ABCB1: variants seen among roughly 807,000 people sequenced by gnomAD.
ABCB1 encodes ATP binding cassette subfamily B member 1.
Under a neutral mutation model 142.0 loss-of-function variants are expected in ABCB1, and 69 were observed. The ratio of observed to expected loss-of-function variants is 0.49; its 90% CI spans 0.40 to 0.59. The LOEUF (loss-of-function observed/expected upper bound fraction) is 0.59, where lower values mean the gene tolerates loss of function less well. Among genes scored for constraint, ABCB1 ranks in the 20% least tolerant of loss-of-function variants. The pLI, the probability that ABCB1 is intolerant of heterozygous loss-of-function variation, is 0.00. For missense variants in ABCB1, 1,326 were observed against 1,554.7 expected, an observed-to-expected ratio of 0.85 and a Z score of 2.47; for synonymous variants, 532 against 539.2, an observed-to-expected ratio of 0.99 and a Z score of 0.18.
In ABCB1 at chr7:87,519,601, G is replaced by A. The variant is rs370676561; in HGVS notation, c.2787-135C>T. ...TTTCGTTTCCAAAGAACTAAGTTTG[G>A]TCCTCACTTTACACTTAACAGTTGT... On this transcript the variant is annotated intron_variant, in intron 22 of 27. Transcript: ENST00000622132. The A allele has an allele frequency of 5.6e-5, 56 of 999,136 alleles. 1 individual carries two copies. The East Asian group carries it at 1.0e-3, about 19-fold the overall frequency. The allele number at this position is 999,136 out of a possible 1,614,324, so 61.9% of individuals were successfully genotyped here. A position where few individuals can be genotyped will look rare whatever the true frequency, so the allele number is the denominator to read the frequency against.
intron 4 of ABCB1, 149 bp downstream of exon 4, chr7:87,585,363 A>G (rs1818697133): frequency 1.3e-6 from 1 of 762,554 alleles, no homozygotes; most frequent in Admixed American, 2.3e-5. Flanking sequence ...TTTCTAACTC[A>G]CTACAAATAT....
chr7:87,627,010 G>C (rs896333274), intron 1 of ABCB1, among the ~76,000 whole-genome samples: 3 of 151,996 alleles, frequency 2.0e-5, no homozygotes, highest in Admixed American at 6.6e-5. Context: ...TCCTGACCTC[G>C]TGATCCGCCC....
At chr7:87,713,094 A>G (rs901502109) in intron 1 of ABCB1, 1 of 152,206 alleles carries the variant, frequency 6.6e-6, no homozygotes, top group Non-Finnish European at 1.5e-5. Context: ...CTTCTAGTCA[A>G]GACAAATATA....
intron 1 of ABCB1, among the ~76,000 whole-genome samples, chr7:87,606,191 G>C (rs1342850282): frequency 6.6e-6 from 1 of 152,038 alleles, no homozygotes; most frequent in Non-Finnish European, 1.5e-5. Flanking sequence ...ATATAAAAAA[G>C]TATGTAGTAT....
intron 1 of ABCB1, among the ~76,000 whole-genome samples, chr7:87,633,144 TA>T (rs1563088846): frequency 6.6e-6 from 1 of 152,256 alleles, no homozygotes; most frequent in Non-Finnish European, 1.5e-5. Context: ...GAGAAGCTTA[TA>T]TTTTTATACA....
intron 14 of ABCB1, among the ~76,000 whole-genome samples, chr7:87,548,666 A>G (rs1365167391): frequency 6.6e-6 from 1 of 152,190 alleles, no homozygotes; most frequent in African/African-American, 2.4e-5. Context: ...CTCCATCTCC[A>G]CATTCTCGGT....
chr7:87,706,132 T>C (rs1163826746), intron 1 of ABCB1, among the ~76,000 whole-genome samples: 1 of 152,204 alleles, frequency 6.6e-6, no homozygotes. Context: ...CAGAATATGC[T>C]AGTTACATCA....
chr7:87,616,290 A>G (rs957629001), intron 1 of ABCB1, among the ~76,000 whole-genome samples: 2 of 152,208 alleles, frequency 1.3e-5, no homozygotes, highest in African/African-American at 4.8e-5. Context: ...TATATAAGAA[A>G]AGCATGAAGA....
chr7:87,538,624 G>A (rs1367432426), intron 19 of ABCB1, among the ~76,000 whole-genome samples: 1 of 152,124 alleles, frequency 6.6e-6, no homozygotes, highest in African/African-American at 2.4e-5. Flanking sequence ...TTTCATGATT[G>A]TTAAAGGAAC....
At chr7:87,537,465 C>CA (rs1816350200) in intron 19 of ABCB1, among the ~76,000 whole-genome samples, 1 of 152,092 alleles carries the variant, frequency 6.6e-6, no homozygotes, top group South Asian at 2.1e-4. Flanking sequence ...GAAGCTTTTG[C>CA]AATGTTAACA....
At chr7:87,637,067 T>C (rs946009600) in intron 1 of ABCB1, among the ~76,000 whole-genome samples, 2 of 152,174 alleles carry the variant, frequency 1.3e-5, no homozygotes, top group Non-Finnish European at 2.9e-5. Flanking sequence ...GAGACTAGCA[T>C]GGGGGAAAAC....
At chr7:87,576,870 G>T (rs1176631596) in intron 4 of ABCB1, among the ~76,000 whole-genome samples, 2 of 151,942 alleles carry the variant, frequency 1.3e-5, no homozygotes, top group African/African-American at 4.8e-5. Context: ...GGTGAATGGG[G>T]TATCTATCAC....
intron 1 of ABCB1, among the ~76,000 whole-genome samples, chr7:87,609,507 G>A (rs1163973110): frequency 6.6e-6 from 1 of 152,042 alleles, no homozygotes; most frequent in African/African-American, 2.4e-5. Flanking sequence ...AACAACACAG[G>A]TTTTCTGACA....
chr7:87,572,917 G>C, intron 4 of ABCB1, among the ~76,000 whole-genome samples: 1 of 98,870 alleles, frequency 1.0e-5, no homozygotes, highest in African/African-American at 4.0e-5. Context: ...TGGGGGGAGG[G>C]AGAGAATCAG....
chr7:87,511,195 A>G (rs944268877), intron 25 of ABCB1, among the ~76,000 whole-genome samples: 35 of 152,326 alleles, frequency 2.3e-4, no homozygotes, highest in African/African-American at 7.7e-4. Context: ...TTTAAGTAAA[A>G]CAAGTTTAGA....
At chr7:87,521,590 T>C in intron 21 of ABCB1, 2 of 758,748 alleles carry the variant, frequency 2.6e-6, no homozygotes, top group Non-Finnish European at 4.8e-6. Context: ...GCTCATGGAT[T>C]GCGTGGTAAT....
At chr7:87,586,193 A>G (rs1465144120) in intron 3 of ABCB1, among the ~76,000 whole-genome samples, 1 of 152,244 alleles carries the variant, frequency 6.6e-6, no homozygotes, top group Non-Finnish European at 1.5e-5. Flanking sequence ...GAATGAGCAG[A>G]AAAAAGAAAG....
At chr7:87,600,312 C>T (rs1819396498) in intron 1 of ABCB1, 122 bp from the exon 2 acceptor site, 5 of 793,934 alleles carry the variant, frequency 6.3e-6, no homozygotes, top group Admixed American at 6.0e-5. Flanking sequence ...GCCGTTGATG[C>T]CCCAGCTGCT....
intron 1 of ABCB1, among the ~76,000 whole-genome samples, chr7:87,658,795 C>A (rs1824397773): frequency 6.6e-6 from 1 of 152,140 alleles, no homozygotes; most frequent in Non-Finnish European, 1.5e-5. Context: ...ACATTAAGAC[C>A]TTCTCACAGG....
Sources: gnomAD v4.1 joint callset for allele counts (sites outside exome capture counted in the v4.1 genomes callset) on GRCh38, gnomAD v4.1.1 for gene constraint, MANE v1.5 for transcripts, NCBI Gene and HGNC (gene_info 2026-07-23, HGNC 2026-07-21) for gene names.